ESR1: variants seen among roughly 807,000 people sequenced by gnomAD.
ESR1 encodes the protein estrogen receptor.
A neutral mutation model predicts 52.7 loss-of-function variants in ESR1; 12 were observed. The ratio of observed to expected loss-of-function variants is 0.23; its 90% CI spans 0.15 to 0.37. The LOEUF is 0.37. Among genes scored for constraint, ESR1 ranks in the 10% least tolerant of loss-of-function variants. The pLI, the probability that ESR1 is intolerant of heterozygous loss-of-function variation, is 1.00. For missense variants in ESR1, 584 were observed against 779.7 expected (o/e 0.75, Z 2.99); for synonymous variants, 305 against 316.8 (o/e 0.96, Z 0.39).
rs369034069 is a variant in ESR1 at position 151,733,050 on chromosome 6, C to T, written c.-71+31045C>T. The stretch of plus-strand genomic sequence containing the variant: ...CTGTGAAAAGCCCAGATAACAGTAA[C>T]AGATTACATTTATTTATGGAACATT... On this transcript the variant is annotated intron_variant, in intron 2 of 2. Transcript: ENST00000404742. Among the ~76,000 whole-genome samples, 3 of 152,308 alleles carry T rather than the reference C, an allele frequency of 2.0e-5. No homozygotes were observed. In the East Asian group the frequency reaches 5.8e-4, roughly 29 times the overall value.
At chr6:152,117,415 G>A (rs2051222882) in intron 6 of ESR1, among the ~76,000 whole-genome samples, 1 of 152,218 alleles carries the variant, frequency 6.6e-6, no homozygotes, top group Admixed American at 6.5e-5. Flanking sequence ...CTTCTCGATT[G>A]CCTGTAGCAT....
intron 2 of ESR1, among the ~76,000 whole-genome samples, chr6:151,723,550 A>G (rs1207145570): frequency 6.6e-6 from 1 of 151,946 alleles, no homozygotes; most frequent in African/African-American, 2.4e-5. Flanking sequence ...CTCCTTCACC[A>G]CTCTGCTATA....
intron 2 of ESR1, among the ~76,000 whole-genome samples, chr6:151,728,719 C>G (rs949877609): frequency 6.6e-5 from 10 of 152,190 alleles, no homozygotes; most frequent in Admixed American, 5.9e-4. Context: ...TTCCTACCCT[C>G]CACCCCTCAC....
intron 3 of ESR1, among the ~76,000 whole-genome samples, chr6:151,893,212 G>GGCGGGGA (rs2128373624): frequency 6.6e-6 from 1 of 152,232 alleles, no homozygotes; most frequent in Admixed American, 6.5e-5. Context: ...AGCCAGGCAT[G>GGCGGGGA]GCGGGGAGCG....
At chr6:151,997,092 CA>C (rs2041560016) in intron 4 of ESR1, among the ~76,000 whole-genome samples, 1 of 149,906 alleles carries the variant, frequency 6.7e-6, no homozygotes, top group African/African-American at 2.4e-5. Context: ...AAAAAAAAAA[CA>C]AAGCAACACA....
intron 5 of ESR1, among the ~76,000 whole-genome samples, chr6:152,051,739 G>A (rs952442033): frequency 3.9e-5 from 6 of 152,146 alleles, no homozygotes; most frequent in African/African-American, 1.2e-4. Context: ...CTTCCACAGG[G>A]AGTCCCTGGT....
At chr6:151,833,116 A>G (rs1202566329) in intron 1 of ESR1, among the ~76,000 whole-genome samples, 3 of 152,078 alleles carry the variant, frequency 2.0e-5, no homozygotes, top group Non-Finnish European at 4.4e-5. Context: ...ACCAACATAG[A>G]AAGGAGTGTG....
At chr6:151,914,560 C>T (rs1258636591) in intron 3 of ESR1, among the ~76,000 whole-genome samples, 1 of 152,146 alleles carries the variant, frequency 6.6e-6, no homozygotes, top group Non-Finnish European at 1.5e-5. Context: ...AGGCAAATCA[C>T]CATTTTATTA....
chr6:152,108,519 C>G (rs2051094453), intron 6 of ESR1, among the ~76,000 whole-genome samples: 1 of 152,138 alleles, frequency 6.6e-6, no homozygotes, highest in African/African-American at 2.4e-5. Context: ...TTTACCAATA[C>G]TCTCTCTCAG....
At chr6:151,864,750 A>C (rs921947340) in intron 2 of ESR1, among the ~76,000 whole-genome samples, 1 of 152,176 alleles carries the variant, frequency 6.6e-6, no homozygotes, top group Non-Finnish European at 1.5e-5. Context: ...ATGGAATACT[A>C]TGCAGCCATA....
chr6:151,848,145 G>A (rs2128243812), intron 2 of ESR1, among the ~76,000 whole-genome samples: 1 of 101,076 alleles, frequency 9.9e-6, no homozygotes, highest in South Asian at 4.1e-4. Context: ...ATACTATGCA[G>A]CCATAAAAAA....
intron 4 of ESR1, among the ~76,000 whole-genome samples, chr6:151,986,192 T>G (rs1442650501): frequency 6.6e-6 from 1 of 152,000 alleles, no homozygotes; most frequent in Non-Finnish European, 1.5e-5. Context: ...GGGTGAGGTG[T>G]GTGAGATGAA....
intron 2 of ESR1, among the ~76,000 whole-genome samples, chr6:151,861,049 T>C (rs1316134785): frequency 6.6e-6 from 1 of 152,166 alleles, no homozygotes; most frequent in Non-Finnish European, 1.5e-5. Flanking sequence ...TAAAATATAC[T>C]TTAAAAAATA....
At chr6:152,012,662 G>A (rs1242024128) in intron 5 of ESR1, among the ~76,000 whole-genome samples, 2 of 152,158 alleles carry the variant, frequency 1.3e-5, no homozygotes, top group South Asian at 2.1e-4. Flanking sequence ...TGGGCACATG[G>A]TCTTCCCACT....
intron 2 of ESR1, among the ~76,000 whole-genome samples, chr6:151,729,972 G>T (rs1173635319): frequency 6.6e-6 from 1 of 152,146 alleles, no homozygotes; most frequent in Admixed American, 6.5e-5. Context: ...TGCCTCCTGT[G>T]ACTCAGCATC....
chr6:151,808,114 G>A lies in ESR1; in HGVS notation c.202G>A (p.Ala68Thr), dbSNP rs771540162. 2 of 1,610,760 alleles carry A rather than the reference G, an allele frequency of 1.2e-6. No individual in the cohort carries two copies. Among genetic ancestry groups the A allele is most frequent in the South Asian group, 1.1e-5 (1 of 90,580 alleles). ...CTACGAGTTCAACGCCGCGGCCGCCGCCAACGCGCAGGTCTACGGTCAGAC... is the reference window on the plus strand; with the variant it reads ...CTACGAGTTCAACGCCGCGGCCGCCACCAACGCGCAGGTCTACGGTCAGAC... Reference protein sequence around the residue: ...AAYEFNAAAAANAQVYGQTGL... With the variant: ...AAYEFNAAAATNAQVYGQTGL... The change falls in exon 1 of 8, where the codon GCC (alanine) becomes ACC (threonine). Residue 68 changes from alanine to threonine, a missense_variant. Ala to Thr is a moderately conservative substitution (Grantham distance 58). Around this residue, in one of 6 missense-constraint regions of ESR1, gnomAD observed 251 missense variants for 246.1 expected, o/e 1.02. Transcript: ENST00000206249.
At chr6:152,091,167 G>A (rs949381823) in intron 6 of ESR1, among the ~76,000 whole-genome samples, 2 of 152,220 alleles carry the variant, frequency 1.3e-5, no homozygotes, top group Admixed American at 1.3e-4. Context: ...GGTTGCCAAA[G>A]CACACGAAGC....
intron 3 of ESR1, among the ~76,000 whole-genome samples, chr6:151,896,371 T>C (rs1169158862): frequency 1.3e-5 from 2 of 152,210 alleles, no homozygotes; most frequent in East Asian, 1.9e-4. Context: ...CTGCTTGTTA[T>C]TGGCCTGTTC....
At chr6:152,010,180 T>C (rs1004553189) in intron 4 of ESR1, among the ~76,000 whole-genome samples, 1 of 152,130 alleles carries the variant, frequency 6.6e-6, no homozygotes, top group African/African-American at 2.4e-5. Flanking sequence ...GATATAAGAA[T>C]TATCTGAAAG....
Sources: allele counts gnomAD v4.1 joint callset (sites outside exome capture counted in the v4.1 genomes callset), GRCh38; gene constraint gnomAD v4.1.1; regional missense constraint gnomAD v4.1.1; transcripts MANE v1.5; gene names NCBI Gene and HGNC (gene_info 2026-07-23, HGNC 2026-07-21).